GDNF: variants seen among roughly 807,000 people sequenced by gnomAD.
GDNF encodes the protein glial cell derived neurotrophic factor.
GDNF carries 5 observed loss-of-function variants against 13.7 expected under a neutral mutation model. The observed-to-expected ratio is 0.36, with a 90% CI of 0.19 to 0.77. The LOEUF is 0.77. GDNF is among the 30% of genes least tolerant of loss of function. The pLI, the probability that GDNF is intolerant of heterozygous loss-of-function variation, is 0.51. For synonymous variants in GDNF, 122 were observed against 112.5 expected, an observed-to-expected ratio of 1.08 and a Z score of -0.53; for missense variants, 246 against 274.3, an observed-to-expected ratio of 0.90 and a Z score of 0.73.
At chr5:37,835,123 C>T (rs1750658583) in intron 1 of GDNF, among the ~76,000 whole-genome samples, 1 of 151,164 alleles carries the variant, frequency 6.6e-6, no homozygotes. Context: ...TAACCCCCCA[C>T]CCCCACCACC....
intron 2 of GDNF, among the ~76,000 whole-genome samples, chr5:37,822,926 A>G (rs1414927585): frequency 6.6e-6 from 1 of 152,226 alleles, no homozygotes; most frequent in African/African-American, 2.4e-5. Flanking sequence ...TTTCACTAAT[A>G]TTGGAATATC....
chr5:37,819,966 CA>C (rs199652752), intron 2 of GDNF, among the ~76,000 whole-genome samples: 16 of 149,644 alleles, frequency 1.1e-4, no homozygotes, highest in Admixed American at 2.7e-4. Context: ...TGCCCAGTTT[CA>C]AAAAAAAACA....
chr5:37,829,993 T>C (rs1007411384), intron 2 of GDNF, among the ~76,000 whole-genome samples: 3 of 152,230 alleles, frequency 2.0e-5, no homozygotes, highest in Non-Finnish European at 4.4e-5. Flanking sequence ...TAAAGTATTG[T>C]TCATTCATAC....
rs796642269 is a variant in GDNF, at chr5:37,837,221, C to G, written c.-27+2286G>C. ...TCAGTTTGTCTCTCTATCGCTTTCC[C>G]AAAACACATCTACATCTGCCCGACG... is the stretch of plus-strand genomic sequence containing the variant. On this transcript the variant is annotated intron_variant, in intron 1 of 2. Coordinates refer to ENST00000326524, the MANE Select transcript of GDNF (RefSeq NM_000514.4). The surrounding 1 kb of genome is among the most constrained non-coding windows in gnomAD (Gnocchi z 6.5). 6.6e-6 allele frequency among the ~76,000 whole-genome samples: 1 copy of G among 152,224 alleles called. No individual in the cohort carries two copies. Among genetic ancestry groups the G allele is most frequent in the South Asian group, 2.1e-4 (1 of 4,830 alleles).
In GDNF at chr5:37,834,747, G is replaced by T; in HGVS notation, c.50C>A (p.Ala17Glu). ...ACCGGCGGGCAGCGGGAAGGCGGAC[G>T]CGGTGTGGAGCAGCACCAGGCAGAC... ...VAVCLVLLHTASAFPLPAGKR... is the reference protein window; with the variant it reads ...VAVCLVLLHTESAFPLPAGKR... The change falls in exon 2 of 3, where the codon GCG becomes GAG. Residue 17 changes from alanine (A) to glutamate (E), a missense_variant. By Grantham distance (107) the Ala-to-Glu change is moderately radical. Coordinates refer to ENST00000326524, the MANE Select transcript of GDNF (RefSeq NM_000514.4). 1 of 1,612,376 alleles carries T rather than the reference G, an allele frequency of 6.2e-7. No homozygotes were observed. The highest frequency in any genetic ancestry group is 8.5e-7 in the Non-Finnish European group (1 of 1,179,334).
At chr5:37,832,902 G>T (rs969125065) in intron 2 of GDNF, among the ~76,000 whole-genome samples, 1 of 152,138 alleles carries the variant, frequency 6.6e-6, no homozygotes, top group Non-Finnish European at 1.5e-5. Flanking sequence ...TCTCTTCTTA[G>T]GAGATTCTTC....
chr5:37,827,127 A>G (rs973911373), intron 2 of GDNF, among the ~76,000 whole-genome samples: 5 of 152,116 alleles, frequency 3.3e-5, no homozygotes, highest in Non-Finnish European at 5.9e-5. Context: ...GTCATGCGGG[A>G]AAAAAAGACT....
At chr5:37,834,518 C>A (rs1750627025) in intron 2 of GDNF, 128 bp downstream of exon 2, 3 of 870,498 alleles carry the variant, frequency 3.4e-6, no homozygotes, top group Non-Finnish European at 5.0e-6. Flanking sequence ...AGCACCCGCA[C>A]CCCTTGCCCA....
chr5:37,820,793 T>C (rs1254396286), intron 2 of GDNF, among the ~76,000 whole-genome samples: 1 of 152,196 alleles, frequency 6.6e-6, no homozygotes, highest in Non-Finnish European at 1.5e-5. Flanking sequence ...CTTCCTGGCA[T>C]GTGGCTTTTG....
Position 37,829,649 on chromosome 5 carries a change from T to TAATC in GDNF, c.151+4996_151+4997insGATT, listed in dbSNP as rs758949737. Among the ~76,000 whole-genome samples, 313 of 152,344 alleles carry TAATC rather than the reference T, an allele frequency of 2.1e-3. 1 individual carries two copies. The highest frequency in any genetic ancestry group is 3.2e-3 in the Non-Finnish European group (220 of 68,036). On this transcript the variant is annotated intron_variant, in intron 2 of 2. Transcript: ENST00000326524. ...TGAAGGTGCTATGGTCCATGAGTGTTAAATAAACAAAGATCAAAGAGATAT... is the reference window on the plus strand; with the variant it reads ...TGAAGGTGCTATGGTCCATGAGTGTTAATCAAATAAACAAAGATCAAAGAGATAT...
intron 2 of GDNF, among the ~76,000 whole-genome samples, chr5:37,821,197 G>A (rs2111656960): frequency 6.6e-6 from 1 of 152,226 alleles, no homozygotes; most frequent in East Asian, 1.9e-4. Context: ...CTCTCACCCA[G>A]CCCAGACAAG....
intron 2 of GDNF, chr5:37,823,439 A>G (rs966566481): frequency 6.6e-6 from 1 of 152,220 alleles, no homozygotes; most frequent in Non-Finnish European, 1.5e-5. Context: ...AGTAGATCCT[A>G]AAGTTAGGCT....
intron 2 of GDNF, among the ~76,000 whole-genome samples, chr5:37,829,527 T>A (rs2111696516): frequency 6.6e-6 from 1 of 152,376 alleles, no homozygotes; most frequent in Middle Eastern, 3.4e-3. Flanking sequence ...ATTTAGCCTT[T>A]TTGAGGCCGC....
rs996403481 is a variant in GDNF, at chr5:37,813,838, T to C, written c.*1813A>G. 1 of 152,958 alleles carries C rather than the reference T, an allele frequency of 6.5e-6. No homozygotes were observed. The highest frequency in any genetic ancestry group is 1.5e-5 in the Non-Finnish European group (1 of 68,344). The allele number at this position is 152,958 out of a possible 1,614,324, so 9.5% of individuals were successfully genotyped here. On this transcript the variant is annotated 3_prime_UTR_variant, in exon 3 of 3. Transcript: ENST00000326524. The stretch of plus-strand genomic sequence containing the variant: ...TTGGCTTTCCAAAGTGTTGGGATTA[T>C]GGGTGTGAGCCGCTGCACTGGCCCC...
chr5:37,835,639 C>A (rs1750677770), intron 1 of GDNF: 1 of 1,549,862 alleles, frequency 6.5e-7, no homozygotes, highest in African/African-American at 1.4e-5. Context: ...TTTACCATTG[C>A]TGTTAGGCAA....
Position 37,834,618 on chromosome 5 carries a change from C to T in GDNF, c.151+28G>A, listed in dbSNP as rs569412792. The T allele has an allele frequency of 1.2e-4, 174 of 1,467,694 alleles. No individual in the cohort carries two copies. In the East Asian group the frequency reaches 4.1e-3, roughly 35 times the overall value. The allele number at this position is 1,467,694 out of a possible 1,614,324, so 90.9% of individuals were successfully genotyped here. ...GGGTGCGAGGGGGTCCGCCGGCGGCCCCCCCGCGGGGAGGGAACGGTTCTT... is the reference window on the plus strand; with the variant it reads ...GGGTGCGAGGGGGTCCGCCGGCGGCTCCCCCGCGGGGAGGGAACGGTTCTT... On this transcript the variant is annotated intron_variant, in intron 2 of 2. Coordinates refer to ENST00000326524, the MANE Select transcript of GDNF (RefSeq NM_000514.4).
chr5:37,816,233 GA>G, intron 2 of GDNF, 98 bp from the exon 3 acceptor site: 1 of 1,219,138 alleles, frequency 8.2e-7, no homozygotes, highest in Admixed American at 1.8e-5. Context: ...GCAAAAATTG[GA>G]CCCACAGCAA....
intron 2 of GDNF, among the ~76,000 whole-genome samples, chr5:37,824,797 A>G (rs1005703639): frequency 7.2e-5 from 11 of 152,164 alleles, no homozygotes; most frequent in Non-Finnish European, 1.3e-4. Flanking sequence ...CACAGCATCT[A>G]TTTTCCTAAA....
At position 37,813,738 on chromosome 5, in the gene GDNF, G is replaced by A. The variant is rs898982193; in HGVS notation, c.*1913C>T. On this transcript the variant is annotated 3_prime_UTR_variant, in exon 3 of 3. Coordinates refer to ENST00000326524, the MANE Select transcript of GDNF (RefSeq NM_000514.4). ...CCATCATGCCTGCCTAATTTTTAAA[G>A]TTTCTGTAGAGACAGGGTCTCCCTA... The A allele has an allele frequency of 6.6e-6, 1 of 152,190 alleles. No homozygotes were observed. Among genetic ancestry groups the A allele is most frequent in the Non-Finnish European group, 1.5e-5 (1 of 68,086 alleles). The allele number at this position is 152,190 out of a possible 1,614,324, so 9.4% of individuals were successfully genotyped here.
Sources: gnomAD v4.1 joint callset for allele counts (sites outside exome capture counted in the v4.1 genomes callset) on GRCh38, gnomAD v4.1.1 for gene constraint, Gnocchi (gnomAD v3.1) non-coding constraint, MANE v1.5 for transcripts, NCBI Gene and HGNC (gene_info 2026-07-23, HGNC 2026-07-21) for gene names.